Variants in FAM13A observed in about 807,000 individuals in gnomAD.
FAM13A encodes the protein protein FAM13A.
Under a neutral mutation model 129.6 loss-of-function variants are expected in FAM13A, and 76 were observed. That is an observed-to-expected ratio of 0.59 (90% CI 0.49 to 0.71). The LOEUF is 0.71. Among genes scored for constraint, FAM13A ranks in the 30% least tolerant of loss-of-function variants. The pLI, the probability that FAM13A is intolerant of heterozygous loss-of-function variation, is 0.00. For missense variants in FAM13A, 1,108 were observed against 1,249.3 expected (o/e 0.89, Z 1.70); for synonymous variants, 443 against 449.9 (o/e 0.98, Z 0.20).
At chr4:88,976,645 T>C (rs1376343230) in intron 4 of FAM13A, among the ~76,000 whole-genome samples, 1 of 85,736 alleles carries the variant, frequency 1.2e-5, no homozygotes, top group Non-Finnish European at 2.4e-5. Flanking sequence ...ATTATTTTGT[T>C]ATAAATTTAG....
intron 3 of FAM13A, among the ~76,000 whole-genome samples, chr4:89,002,186 A>AG (rs1370523611): frequency 1.3e-5 from 2 of 151,882 alleles, no homozygotes; most frequent in East Asian, 3.9e-4. Flanking sequence ...CAAAAAAAAA[A>AG]AAAAAAAAGA....
Position 88,876,736 on chromosome 4 carries a change from T to C in FAM13A, c.844-25553A>G, listed in dbSNP as rs185101045. Among the ~76,000 whole-genome samples the C allele has an allele frequency of 7.4e-3, 1,125 of 152,072 alleles. 8 individuals are homozygous for C. The highest frequency in any genetic ancestry group is 0.016 in the African/African-American group (668 of 41,488). ...CCTCCCAAGTAGCTGGGACTACAGG[T>C]GCCTGCCACCACGCCCAGCTAATTT... On this transcript the variant is annotated intron_variant, in intron 6 of 23. Transcript: ENST00000264344.
intron 4 of FAM13A, among the ~76,000 whole-genome samples, chr4:88,945,990 G>GTGTATATATATA: frequency 2.2e-3 from 135 of 61,836 alleles, no homozygotes; most frequent in African/African-American, 6.5e-3. Flanking sequence ...GTGTGTGTGT[G>GTGTATATATATA]TATATATATA....
At chr4:88,880,108 GGA>G (rs1743275060) in intron 6 of FAM13A, among the ~76,000 whole-genome samples, 1 of 152,108 alleles carries the variant, frequency 6.6e-6, no homozygotes, top group Admixed American at 6.5e-5. Flanking sequence ...CGACTTAGAA[GGA>G]GAGAGCAGCA....
chr4:88,761,542 G>A (rs974053233), intron 13 of FAM13A, among the ~76,000 whole-genome samples: 3 of 152,006 alleles, frequency 2.0e-5, no homozygotes, highest in Non-Finnish European at 2.9e-5. Context: ...GAGGGAGGAC[G>A]GCACATCACA....
chr4:88,764,198 T>C (rs990873123), intron 13 of FAM13A, among the ~76,000 whole-genome samples: 18 of 152,132 alleles, frequency 1.2e-4, no homozygotes, highest in Non-Finnish European at 2.4e-4. Context: ...AACTAGTCTT[T>C]TTTTTTAAAA....
At chr4:88,757,447 G>C (rs775078408) in intron 14 of FAM13A, among the ~76,000 whole-genome samples, 28 of 151,884 alleles carry the variant, frequency 1.8e-4, no homozygotes, top group Admixed American at 1.4e-3. Flanking sequence ...TTTGGGGGGA[G>C]GTGGGGGCAC....
At chr4:88,822,898 C>G in intron 7 of FAM13A, 2 of 1,570,628 alleles carry the variant, frequency 1.3e-6, no homozygotes, top group Non-Finnish European at 1.7e-6. Context: ...TAAAAGATGC[C>G]AAGTACTGGC....
intron 10 of FAM13A, among the ~76,000 whole-genome samples, chr4:88,782,694 T>C (rs1024637161): frequency 6.6e-6 from 1 of 152,168 alleles, no homozygotes; most frequent in Admixed American, 6.6e-5. Context: ...AAAATATATA[T>C]TTAGTAAAAT....
intron 19 of FAM13A, among the ~76,000 whole-genome samples, chr4:88,745,728 A>C (rs991495130): frequency 6.6e-6 from 1 of 152,156 alleles, no homozygotes; most frequent in African/African-American, 2.4e-5. Context: ...AGCATTTACT[A>C]TTTGGTTCAA....
chr4:88,933,789 T>C (rs558909594), intron 5 of FAM13A, among the ~76,000 whole-genome samples: 1 of 152,312 alleles, frequency 6.6e-6, no homozygotes, highest in Non-Finnish European at 1.5e-5. Context: ...ATTGCCCTAC[T>C]TCTGCCTATC....
chr4:88,917,482 T>C (rs1579266694), intron 5 of FAM13A, among the ~76,000 whole-genome samples: 5 of 152,088 alleles, frequency 3.3e-5, no homozygotes, highest in Admixed American at 2.6e-4. Context: ...ATCCAAACCA[T>C]AGCCAACTCT....
chr4:88,905,463 CAT>C (rs1240957058), intron 6 of FAM13A, among the ~76,000 whole-genome samples: 2 of 152,054 alleles, frequency 1.3e-5, no homozygotes, highest in South Asian at 2.1e-4. Flanking sequence ...CATAGGTAAA[CAT>C]GTGTCACAAG....
At chr4:88,864,252 G>C (rs1740003810) in intron 6 of FAM13A, among the ~76,000 whole-genome samples, 1 of 152,256 alleles carries the variant, frequency 6.6e-6, no homozygotes, top group Admixed American at 6.5e-5. Flanking sequence ...TGCCAGGAAA[G>C]ATTCCAAAGA....
At chr4:88,740,913 A>C (rs1432120431) in intron 19 of FAM13A, among the ~76,000 whole-genome samples, 1 of 152,218 alleles carries the variant, frequency 6.6e-6, no homozygotes, top group Non-Finnish European at 1.5e-5. Flanking sequence ...ATAAACAATG[A>C]CTGTCAAAAC....
At chr4:88,954,024 G>A (rs549962782) in intron 4 of FAM13A, among the ~76,000 whole-genome samples, 20 of 152,168 alleles carry the variant, frequency 1.3e-4, no homozygotes, top group African/African-American at 4.3e-4. Flanking sequence ...CAAAGTGTTT[G>A]GAAATGATAA....
chr4:88,893,266 C>T (rs573292288), intron 6 of FAM13A, among the ~76,000 whole-genome samples: 15 of 152,156 alleles, frequency 9.9e-5, no homozygotes, highest in Non-Finnish European at 1.2e-4. Flanking sequence ...AACAGGTTGA[C>T]AGGGGGCTCT....
intron 15 of FAM13A, among the ~76,000 whole-genome samples, 153 bp from the exon 16 acceptor site, chr4:88,750,062 T>A (rs1309179677): frequency 6.6e-6 from 1 of 152,168 alleles, no homozygotes; most frequent in Non-Finnish European, 1.5e-5. Context: ...TAAAAGACAC[T>A]TGAGTGATCC....
rs1192402852 is a variant in FAM13A, at chr4:88,832,232, TA to T, written c.1007+18787del. ...CCTTCCTTATACCTTATACTAAAAT[TA>T]ACTCAAGATGGATTAAATATTTAAA... On this transcript the variant is annotated intron_variant, in intron 7 of 23. Transcript: ENST00000264344. Among the ~76,000 whole-genome samples the T allele has an allele frequency of 4.6e-5, 7 of 152,200 alleles. No homozygotes were observed. In the East Asian group the frequency reaches 9.6e-4, roughly 21 times the overall value.
Sources: gnomAD v4.1 joint callset for allele counts (sites outside exome capture counted in the v4.1 genomes callset) on GRCh38, gnomAD v4.1.1 for gene constraint, MANE v1.5 for transcripts, NCBI Gene and HGNC (gene_info 2026-07-23, HGNC 2026-07-21) for gene names.